DSG1: variants seen among roughly 807,000 people sequenced by gnomAD.
The protein encoded by DSG1 is desmoglein 1, also known as desmoglein-1.
In DSG1, 39 loss-of-function variants were observed where a neutral mutation model predicts 97.5. The observed-to-expected ratio is 0.40, with a 90% CI of 0.31 to 0.52. The LOEUF is 0.52. DSG1 is among the 20% of genes least tolerant of loss of function. DSG1 has a pLI of 0.53. For missense variants in DSG1, 1,311 were observed against 1,295.4 expected (o/e 1.01, Z -0.18); for synonymous variants, 475 against 443.4 (o/e 1.07, Z -0.90).
intron 7 of DSG1, 27 bp downstream of exon 7, chr18:31,333,750 A>C: frequency 6.2e-7 from 1 of 1,610,134 alleles, no homozygotes; most frequent in Non-Finnish European, 8.5e-7. Flanking sequence ...GGAATTAATA[A>C]ATCTAAATTC....
chr18:31,330,570 G>A (rs975801752), intron 5 of DSG1, among the ~76,000 whole-genome samples: 4 of 152,008 alleles, frequency 2.6e-5, no homozygotes, highest in Non-Finnish European at 5.9e-5. Flanking sequence ...TTTTAAAAGT[G>A]TTATTATAAA....
intron 1 of DSG1, among the ~76,000 whole-genome samples, chr18:31,318,644 G>A (rs2071634953): frequency 6.6e-6 from 1 of 151,956 alleles, no homozygotes; most frequent in Admixed American, 6.6e-5. Context: ...CTAGTTAGTA[G>A]CACTTTGTCG....
chr18:31,326,737 T>C, intron 2 of DSG1, 121 bp downstream of exon 2: 1 of 1,327,976 alleles, frequency 7.5e-7, no homozygotes, highest in South Asian at 1.2e-5. Flanking sequence ...CTAAAATTAA[T>C]AGATTACCAA....
intron 5 of DSG1, among the ~76,000 whole-genome samples, chr18:31,330,391 G>GT (rs1045252890): frequency 6.6e-6 from 1 of 151,976 alleles, no homozygotes; most frequent in Non-Finnish European, 1.5e-5. Context: ...CTCTTACTGC[G>GT]TTTTTTCCCC....
chr18:31,321,489 A>C (rs1400171126), intron 1 of DSG1, among the ~76,000 whole-genome samples: 1 of 152,180 alleles, frequency 6.6e-6, no homozygotes, highest in South Asian at 2.1e-4. Context: ...TATTCAGTGA[A>C]ACTTACAAAT....
chr18:31,338,684 T>C (rs550185527), intron 10 of DSG1, among the ~76,000 whole-genome samples: 22 of 152,282 alleles, frequency 1.4e-4, no homozygotes, highest in Non-Finnish European at 1.5e-5. Flanking sequence ...TTACTAGCTA[T>C]AGAATCTTAG....
chr18:31,328,445 T>G (rs1359978776), intron 4 of DSG1, 101 bp downstream of exon 4: 3 of 1,247,674 alleles, frequency 2.4e-6, no homozygotes, highest in Non-Finnish European at 3.4e-6. Context: ...GTCTCAATAT[T>G]TGGCATTTTT....
intron 13 of DSG1, among the ~76,000 whole-genome samples, chr18:31,344,612 G>A (rs974968374): frequency 2.0e-5 from 3 of 152,184 alleles, no homozygotes; most frequent in Non-Finnish European, 4.4e-5. Flanking sequence ...AACTGAGATT[G>A]TGTGCACATG....
chr18:31,338,241 AC>A lies in DSG1; in HGVS notation c.1266-73del, dbSNP rs144346664. 139,826 of 1,464,178 alleles carry A rather than the reference AC, an allele frequency of 0.095. 12,249 individuals are homozygous for A. Among genetic ancestry groups the A allele is most frequent in the African/African-American group, 0.44 (31,131 of 70,144 alleles). The allele number at this position is 1,464,178 out of a possible 1,614,324, so 90.7% of individuals were successfully genotyped here. ...GGATTATAATTACTCACTGAAAAAA[AC>A]AATACATTTTAAATTAAAATTTCTT... On this transcript the variant is annotated intron_variant, in intron 9 of 14. Transcript: ENST00000257192.
rs1354645629 is a variant in DSG1, at chr18:31,350,281, C to T, written c.2101-4016C>T. Among the ~76,000 whole-genome samples the T allele has an allele frequency of 3.2e-4, 44 of 136,676 alleles. 1 individual carries two copies. The highest frequency in any genetic ancestry group is 9.8e-4 in the African/African-American group (34 of 34,712). The allele number at this position is 136,676 out of a possible 152,430, so 89.7% of individuals were successfully genotyped here. Reference sequence around the variant, plus strand: ...ATGCTGGATTACATTTATTGATTTGCGTATATTGAACCAGCCTTGCATCCC... The same window carrying T: ...ATGCTGGATTACATTTATTGATTTGTGTATATTGAACCAGCCTTGCATCCC... On this transcript the variant is annotated intron_variant, in intron 14 of 14. Transcript: ENST00000257192.
chr18:31,342,893 C>G (rs2144106022), intron 11 of DSG1, among the ~76,000 whole-genome samples: 1 of 140,400 alleles, frequency 7.1e-6, no homozygotes, highest in African/African-American at 2.7e-5. Flanking sequence ...GTAATACTAT[C>G]TGTGATTTTT....
At chr18:31,319,193 T>G (rs1306555340) in intron 1 of DSG1, among the ~76,000 whole-genome samples, 1 of 152,166 alleles carries the variant, frequency 6.6e-6, no homozygotes, top group Admixed American at 6.6e-5. Context: ...CAATTTCACT[T>G]TCAGTGAAAA....
intron 13 of DSG1, among the ~76,000 whole-genome samples, chr18:31,344,921 C>A (rs2071819197): frequency 6.6e-6 from 1 of 152,120 alleles, no homozygotes; most frequent in Non-Finnish European, 1.5e-5. Context: ...ATGTGTATAA[C>A]TTGTAGAACT....
intron 10 of DSG1, among the ~76,000 whole-genome samples, chr18:31,339,164 C>G (rs2071772986): frequency 6.6e-6 from 1 of 151,774 alleles, no homozygotes; most frequent in South Asian, 2.1e-4. Context: ...TATTGAAAAC[C>G]ACATCAATAA....
chr18:31,343,940 CATACCACAAATACCACCTG>C lies in DSG1; in HGVS notation c.1840_1858del (p.Pro614ThrfsTer4). 6.2e-7 allele frequency: 1 copy of C among 1,612,718 alleles called. No individual in the cohort carries two copies. The highest frequency in any genetic ancestry group is 8.5e-7 in the Non-Finnish European group (1 of 1,178,900). On this transcript the variant is annotated frameshift_variant, in exon 13 of 15. Coordinates refer to ENST00000257192, the MANE Select transcript of DSG1 (RefSeq NM_001942.4). LOFTEE classifies it high-confidence loss of function. ...CTGTCTTTTAGGATATAACCACTGT[CATACCACAAATACCACCTG>C]ATAACGCAAATATAATTGAATGCAT...
intron 4 of DSG1, among the ~76,000 whole-genome samples, chr18:31,329,484 G>C (rs372773357): frequency 6.6e-6 from 1 of 151,752 alleles, no homozygotes; most frequent in East Asian, 1.9e-4. Context: ...ACTTTAAAAA[G>C]GCATGCTACC....
At chr18:31,326,293 A>T (rs1359374670) in intron 1 of DSG1, among the ~76,000 whole-genome samples, 2 of 152,044 alleles carry the variant, frequency 1.3e-5, no homozygotes, top group Non-Finnish European at 2.9e-5. Context: ...CATACTTTGC[A>T]ATTCTGAATA....
chr18:31,322,601 A>G (rs2071661064), intron 1 of DSG1, among the ~76,000 whole-genome samples: 1 of 152,210 alleles, frequency 6.6e-6, no homozygotes, highest in African/African-American at 2.4e-5. Flanking sequence ...CCTTTGTCAG[A>G]GCAGTACAAA....
intron 5 of DSG1, among the ~76,000 whole-genome samples, chr18:31,330,603 A>G (rs565826818): frequency 6.6e-6 from 1 of 152,244 alleles, no homozygotes; most frequent in South Asian, 2.1e-4. Flanking sequence ...TTTATGTAAT[A>G]TGGAAAGTAA....
Sources: allele counts gnomAD v4.1 joint callset (sites outside exome capture counted in the v4.1 genomes callset), GRCh38; gene constraint gnomAD v4.1.1; transcripts MANE v1.5; gene names NCBI Gene and HGNC (gene_info 2026-07-23, HGNC 2026-07-21).